Variants in ACOXL observed in about 807,000 individuals in gnomAD.
The protein encoded by ACOXL is acyl-CoA oxidase like.
ACOXL carries 70 observed loss-of-function variants against 71.9 expected under a neutral mutation model. The observed-to-expected ratio is 0.97, with a 90% CI of 0.80 to 1.19. The LOEUF (loss-of-function observed/expected upper bound fraction) is 1.19, where lower values mean the gene tolerates loss of function less well. Among genes scored for constraint, ACOXL ranks in the 50% most tolerant of loss-of-function variants. ACOXL has a pLI of 0.00. For missense variants in ACOXL, 703 were observed against 736.3 expected (o/e 0.95, Z 0.52); for synonymous variants, 253 against 281.6 (o/e 0.90, Z 1.02).
At chr2:110,787,799 C>A (rs1474109835) in intron 3 of ACOXL, among the ~76,000 whole-genome samples, 1 of 152,144 alleles carries the variant, frequency 6.6e-6, no homozygotes, top group Non-Finnish European at 1.5e-5. Context: ...ACTATTCATT[C>A]TTCATGTTCC....
At chr2:110,812,633 C>T (rs1427187077) in intron 9 of ACOXL, among the ~76,000 whole-genome samples, 1 of 152,232 alleles carries the variant, frequency 6.6e-6, no homozygotes, top group East Asian at 1.9e-4. Context: ...AACATTTCTC[C>T]TTAAAAGATA....
chr2:110,963,978 G>A (rs899476307), intron 12 of ACOXL, among the ~76,000 whole-genome samples: 2 of 152,156 alleles, frequency 1.3e-5, no homozygotes, highest in Non-Finnish European at 2.9e-5. Context: ...GAAAGAGTAT[G>A]TAAGGCCCCA....
chr2:110,906,719 T>TG (rs544972228), intron 10 of ACOXL, among the ~76,000 whole-genome samples: 3 of 152,136 alleles, frequency 2.0e-5, no homozygotes, highest in Non-Finnish European at 4.4e-5. Flanking sequence ...CTCTGGAGCA[T>TG]GGGGCCATGC....
At position 110,921,305 on chromosome 2, in the gene ACOXL, G is replaced by C. The variant is rs1210611603; in HGVS notation, c.906-12184G>C. On this transcript the variant is annotated intron_variant, in intron 11 of 17. Transcript: ENST00000439055. ...TTTAATTTAAATTTCATTGCTATCT[G>C]CTCCAATCTTTATTTCTTTCCTTTT... Among the ~76,000 whole-genome samples, 4 of 148,084 alleles carry C rather than the reference G, an allele frequency of 2.7e-5. No homozygotes were observed. In the Admixed American group the frequency reaches 2.7e-4, roughly 10 times the overall value.
chr2:111,079,080 T>A (rs557197415), intron 16 of ACOXL, among the ~76,000 whole-genome samples: 1 of 152,378 alleles, frequency 6.6e-6, no homozygotes, highest in South Asian at 2.1e-4. Flanking sequence ...ATTTGTTTAC[T>A]TATTTTAAAA....
chr2:110,874,923 G>A (rs35123516), intron 10 of ACOXL, among the ~76,000 whole-genome samples: 1,633 of 152,236 alleles, frequency 0.011, 11 homozygotes, highest in Admixed American at 0.017. Context: ...GGAGGTCGCC[G>A]AGGTCTCTCT....
intron 10 of ACOXL, among the ~76,000 whole-genome samples, chr2:110,843,307 A>G (rs1192492148): frequency 6.6e-6 from 1 of 152,186 alleles, no homozygotes; most frequent in African/African-American, 2.4e-5. Context: ...GGAGTGAGCC[A>G]CCATGCCTGG....
intron 16 of ACOXL, among the ~76,000 whole-genome samples, chr2:111,080,907 C>T (rs1285640315): frequency 5.3e-5 from 8 of 152,230 alleles, no homozygotes; most frequent in Middle Eastern, 3.4e-3. Context: ...ATAAACAGAA[C>T]GAATGACAAA....
At position 110,939,040 on chromosome 2, in the gene ACOXL, G is replaced by C. The variant is rs980029526; in HGVS notation, c.1059+5398G>C. ...AGTTTAGGAGATGGGGACTTGAGAA[G>C]AGGGGAGCATGAGAAATTATTGTAA... On this transcript the variant is annotated intron_variant, in intron 12 of 17. Coordinates refer to ENST00000439055, the MANE Select transcript of ACOXL (RefSeq NM_001142807.4). 5.3e-5 allele frequency among the ~76,000 whole-genome samples: 8 copies of C among 152,296 alleles called. No individual in the cohort carries two copies. In the East Asian group the frequency reaches 1.5e-3, roughly 29 times the overall value.
chr2:110,738,353 C>G (rs1278982187), intron 1 of ACOXL, among the ~76,000 whole-genome samples: 2 of 152,306 alleles, frequency 1.3e-5, no homozygotes, highest in East Asian at 3.9e-4. Context: ...CATAGATAAC[C>G]AAAACAGTCT....
intron 12 of ACOXL, among the ~76,000 whole-genome samples, chr2:110,981,630 A>G (rs1308079927): frequency 1.3e-5 from 2 of 152,236 alleles, no homozygotes; most frequent in Non-Finnish European, 2.9e-5. Context: ...TATATGAATG[A>G]ACAAATGAAT....
chr2:111,052,726 G>A (rs543656954), intron 16 of ACOXL, among the ~76,000 whole-genome samples: 7 of 152,086 alleles, frequency 4.6e-5, no homozygotes, highest in South Asian at 2.1e-4. Flanking sequence ...GGTCCCTCTC[G>A]GTCACTACCT....
chr2:110,935,371 C>A (rs569358576), intron 12 of ACOXL, among the ~76,000 whole-genome samples: 1 of 152,160 alleles, frequency 6.6e-6, no homozygotes, highest in Non-Finnish European at 1.5e-5. Context: ...TCCTGCACCC[C>A]TCTTGTCATC....
chr2:111,093,583 G>T, intron 17 of ACOXL: 1 of 1,594,212 alleles, frequency 6.3e-7, no homozygotes, highest in Non-Finnish European at 8.6e-7. Flanking sequence ...CATAAATACT[G>T]GCCAGGTGCA....
intron 11 of ACOXL, among the ~76,000 whole-genome samples, chr2:110,924,086 A>G (rs2060181417): frequency 1.3e-5 from 2 of 152,248 alleles, no homozygotes; most frequent in South Asian, 4.1e-4. Context: ...TAAAAGTTAT[A>G]TTTACACTGT....
chr2:110,987,908 A>G (rs1013086563), intron 13 of ACOXL, among the ~76,000 whole-genome samples: 5 of 152,126 alleles, frequency 3.3e-5, no homozygotes, highest in African/African-American at 4.8e-5. Flanking sequence ...AACCCTGTAC[A>G]TGTTTTCTGG....
chr2:110,784,630 T>C, intron 2 of ACOXL, 102 bp from the exon 3 acceptor site: 1 of 865,912 alleles, frequency 1.2e-6, no homozygotes, highest in Admixed American at 3.0e-5. Flanking sequence ...ACTGTGTTTA[T>C]TTTTTATTAT....
intron 11 of ACOXL, among the ~76,000 whole-genome samples, chr2:110,916,664 C>T (rs1330170997): frequency 3.3e-5 from 5 of 151,768 alleles, no homozygotes; most frequent in Non-Finnish European, 7.4e-5. Context: ...GACAGCTAGC[C>T]AGACTAATAA....
At chr2:111,033,537 G>A (rs1405825798) in intron 15 of ACOXL, among the ~76,000 whole-genome samples, 1 of 152,170 alleles carries the variant, frequency 6.6e-6, no homozygotes, top group African/African-American at 2.4e-5. Context: ...AGTGTCCCCT[G>A]TGACCTGCTC....
Sources: gnomAD v4.1 joint callset for allele counts (sites outside exome capture counted in the v4.1 genomes callset) on GRCh38, gnomAD v4.1.1 for gene constraint, MANE v1.5 for transcripts, NCBI Gene and HGNC (gene_info 2026-07-23, HGNC 2026-07-21) for gene names.